TENT4B: variants seen among roughly 807,000 people sequenced by gnomAD.
The protein encoded by TENT4B is PAP associated domain containing 5.
A neutral mutation model predicts 75.0 loss-of-function variants in TENT4B; 10 were observed. The ratio of observed to expected loss-of-function variants is 0.13; its 90% CI spans 0.08 to 0.23. The LOEUF is 0.23. Ranked by LOEUF, TENT4B falls within the 10% of genes least tolerant of loss-of-function variation. TENT4B has a pLI of 1.00. For synonymous variants in TENT4B, 350 were observed against 357.7 expected (o/e 0.98, Z 0.24); for missense variants, 579 against 893.8 (o/e 0.65, Z 4.49).
chr16:50,163,481 G>C (rs563637232), intron 1 of TENT4B, among the ~76,000 whole-genome samples: 2 of 145,860 alleles, frequency 1.4e-5, no homozygotes, highest in Non-Finnish European at 3.0e-5. Context: ...CTCACTGCAA[G>C]CTCTGCCTCC....
At chr16:50,156,532 C>T (rs1454325303) in intron 1 of TENT4B, among the ~76,000 whole-genome samples, 5 of 151,916 alleles carry the variant, frequency 3.3e-5, no homozygotes, top group South Asian at 4.1e-4. Flanking sequence ...TTAGTAGAGA[C>T]GGGGTTTCTT....
intron 7 of TENT4B, 140 bp from the exon 8 acceptor site, chr16:50,224,516 TG>T: frequency 2.1e-6 from 2 of 941,476 alleles, no homozygotes; most frequent in Non-Finnish European, 3.1e-6. Context: ...TGGGGAGCTT[TG>T]GGGACAGCTC....
chr16:50,210,371 C>T (rs1301193202), intron 1 of TENT4B, among the ~76,000 whole-genome samples: 1 of 151,582 alleles, frequency 6.6e-6, no homozygotes, highest in Non-Finnish European at 1.5e-5. Flanking sequence ...GGCTTCAGCC[C>T]TTGAAGGCAT....
chr16:50,231,865 T>G lies in TENT4B; in HGVS notation c.*2537T>G. 2.0e-6 allele frequency: 2 copies of G among 983,204 alleles called. No homozygotes were observed. Among genetic ancestry groups the G allele is most frequent in the Non-Finnish European group, 2.4e-6 (2 of 827,728 alleles). The allele number at this position is 983,204 out of a possible 1,614,324, so 60.9% of individuals were successfully genotyped here. On this transcript the variant is annotated 3_prime_UTR_variant, in exon 12 of 12. Coordinates refer to ENST00000561678, the MANE Select transcript of TENT4B (RefSeq NM_001365324.3). ...GCTCATTTGTTTTATACATTTCATCTATTTGACTCCTATCTTATTTCTTTT... is the reference window on the plus strand; with the variant it reads ...GCTCATTTGTTTTATACATTTCATCGATTTGACTCCTATCTTATTTCTTTT...
chr16:50,154,206 C>A lies in TENT4B; in HGVS notation c.585C>A (p.Val195=). The change falls in exon 1 of 12, where the codon GTC becomes GTA. Residue 195 remains valine (V), a synonymous_variant. Coordinates refer to ENST00000561678, the MANE Select transcript of TENT4B (RefSeq NM_001365324.3). ...GCGGCCGAGCAGACGGCGGCGGGGT[C>A]GTGTACAGCGGGACCCCGTGGAAAC... ...AGGGRADGGG[V]VYSGTPWKRR... is the part of the protein sequence containing the mutation. 1 of 1,497,374 alleles carries A rather than the reference C, an allele frequency of 6.7e-7. No homozygotes were observed. The highest frequency in any genetic ancestry group is 8.8e-7 in the Non-Finnish European group (1 of 1,131,374). 92.8% of individuals were successfully genotyped at this position (1,497,374 alleles called of 1,614,324 possible).
Position 50,153,492 on chromosome 16 carries a change from AGCAGCAGCAGCAGCAGCGGCAGCAGCG to A in TENT4B, c.-112_-86del, listed in dbSNP as rs1463156307. 147 of 969,870 alleles carry A rather than the reference AGCAGCAGCAGCAGCAGCGGCAGCAGCG, an allele frequency of 1.5e-4. No homozygotes were observed. Among genetic ancestry groups the A allele is most frequent in the Non-Finnish European group, 1.7e-4 (137 of 820,968 alleles). The allele number at this position is 969,870 out of a possible 1,614,324, so 60.1% of individuals were successfully genotyped here. A position where few individuals can be genotyped will look rare whatever the true frequency, so the allele number is the denominator to read the frequency against. Reference sequence around the variant, plus strand: ...GCGCCGCCCGCGGCGGGCCCCGAGCAGCAGCAGCAGCAGCAGCGGCAGCAGCGGCAGCAGCAGCAGCAGCCGAGGCCG... The same window carrying A: ...GCGCCGCCCGCGGCGGGCCCCGAGCAGCAGCAGCAGCAGCAGCCGAGGCCG... On this transcript the variant is annotated 5_prime_UTR_variant, in exon 1 of 12. Transcript: ENST00000561678.
upstream of TENT4B, chr16:50,153,156 C>A (rs1169136726): frequency 2.0e-4 from 23 of 113,056 alleles, no homozygotes; most frequent in Non-Finnish European, 2.3e-4. Context: ...GCAGCGGGGG[C>A]GGGGCGAGCG....
intron 1 of TENT4B, among the ~76,000 whole-genome samples, chr16:50,182,395 T>G (rs1202159684): frequency 6.6e-6 from 1 of 152,206 alleles, no homozygotes; most frequent in African/African-American, 2.4e-5. Flanking sequence ...TCAACTTGAC[T>G]AAAATATTAA....
chr16:50,232,279 T>A lies in TENT4B; in HGVS notation c.*2951T>A. On this transcript the variant is annotated 3_prime_UTR_variant, in exon 12 of 12. Coordinates refer to ENST00000561678, the MANE Select transcript of TENT4B (RefSeq NM_001365324.3). ...TCAGTTTTCAAATCTAGCTTGGATC[T>A]GTAGGACCTATGTTTTTTACAAGTA... 1.7e-5 allele frequency: 17 copies of A among 985,442 alleles called. No individual in the cohort carries two copies. The highest frequency in any genetic ancestry group is 2.0e-5 in the Non-Finnish European group (17 of 829,926). The allele number at this position is 985,442 out of a possible 1,614,324, so 61.0% of individuals were successfully genotyped here.
At chr16:50,185,985 T>G (rs1310269008) in intron 1 of TENT4B, among the ~76,000 whole-genome samples, 4 of 152,184 alleles carry the variant, frequency 2.6e-5, no homozygotes, top group African/African-American at 7.2e-5. Context: ...TCAAATTAAG[T>G]TCTGCACAAA....
Position 50,154,324 on chromosome 16 carries a change from C to A in TENT4B, c.638+65C>A. On this transcript the variant is annotated intron_variant, in intron 1 of 11. Coordinates refer to ENST00000561678, the MANE Select transcript of TENT4B (RefSeq NM_001365324.3). Reference sequence around the variant, plus strand: ...GAATGCGCAGCCGGGCACACGCCCACAGAGGGGGGTTGTGAGGGTCTAGGA... The same window carrying A: ...GAATGCGCAGCCGGGCACACGCCCAAAGAGGGGGGTTGTGAGGGTCTAGGA... 3.6e-6 allele frequency: 5 copies of A among 1,381,816 alleles called. No homozygotes were observed. In the South Asian group the frequency reaches 8.5e-5, roughly 23 times the overall value. 85.6% of individuals were successfully genotyped at this position (1,381,816 alleles called of 1,614,324 possible).
At chr16:50,207,966 GAAGTTT>G (rs1352962844) in intron 1 of TENT4B, among the ~76,000 whole-genome samples, 1 of 152,184 alleles carries the variant, frequency 6.6e-6, no homozygotes, top group African/African-American at 2.4e-5. Context: ...ATCTGTACTT[GAAGTTT>G]ATTTCCTCAG....
At chr16:50,178,245 C>T (rs1293024804) in intron 1 of TENT4B, among the ~76,000 whole-genome samples, 2 of 148,626 alleles carry the variant, frequency 1.3e-5, no homozygotes, top group Non-Finnish European at 3.0e-5. Context: ...CACTTGAGGT[C>T]AGGAGTTTGA....
chr16:50,221,039 CA>C (rs1567511967), intron 5 of TENT4B, among the ~76,000 whole-genome samples: 1 of 152,038 alleles, frequency 6.6e-6, no homozygotes, highest in East Asian at 1.9e-4. Flanking sequence ...GTAATCCCAA[CA>C]CTTTGGGAGG....
chr16:50,207,339 G>A (rs1184759135), intron 1 of TENT4B, among the ~76,000 whole-genome samples: 4 of 151,770 alleles, frequency 2.6e-5, no homozygotes, highest in African/African-American at 4.8e-5. Context: ...GCACCATCAC[G>A]CCTGGCTAAT....
At chr16:50,181,327 CTT>C (rs1160792279) in intron 1 of TENT4B, among the ~76,000 whole-genome samples, 5 of 144,142 alleles carry the variant, frequency 3.5e-5, no homozygotes, top group Non-Finnish European at 4.6e-5. Flanking sequence ...TGGATTTGAA[CTT>C]TTTTTTTTTT....
At chr16:50,210,437 G>A (rs1444902692) in intron 1 of TENT4B, among the ~76,000 whole-genome samples, 1 of 152,160 alleles carries the variant, frequency 6.6e-6, no homozygotes, top group Non-Finnish European at 1.5e-5. Flanking sequence ...CAGGGTGTGG[G>A]TATGTGTGTG....
Position 50,204,778 on chromosome 16 carries a change from C to T in TENT4B, c.639-6545C>T, listed in dbSNP as rs564746719. On this transcript the variant is annotated intron_variant, in intron 1 of 11. Coordinates refer to ENST00000561678, the MANE Select transcript of TENT4B (RefSeq NM_001365324.3). The stretch of plus-strand genomic sequence containing the variant: ...ATTCTTCCAGAAATTTGCCTTGCAA[C>T]GCGTTTGAGTATATAAATAATCCCA... Among the ~76,000 whole-genome samples, 9 of 152,308 alleles carry T rather than the reference C, an allele frequency of 5.9e-5. No individual in the cohort carries two copies. In the East Asian group the frequency reaches 7.7e-4, roughly 13 times the overall value.
At chr16:50,223,084 A>G in intron 6 of TENT4B, 90 bp from the exon 7 acceptor site, 1 of 1,089,200 alleles carries the variant, frequency 9.2e-7, no homozygotes, top group Non-Finnish European at 1.3e-6. Context: ...TTATAATAAT[A>G]TTGCTTGTAG....
Sources: allele counts gnomAD v4.1 joint callset (sites outside exome capture counted in the v4.1 genomes callset), GRCh38; gene constraint gnomAD v4.1.1; transcripts MANE v1.5; gene names NCBI Gene and HGNC (gene_info 2026-07-23, HGNC 2026-07-21).